The following IQSEC1 variants were observed in gnomAD, a reference collection of about 807,000 sequenced individuals.
IQSEC1 encodes the protein IQ motif and Sec7 domain ArfGEF 1, also known as IQ motif and SEC7 domain-containing protein 1.
IQSEC1 carries 31 observed loss-of-function variants against 91.0 expected under a neutral mutation model. The ratio of observed to expected loss-of-function variants is 0.34; its 90% confidence interval spans 0.26 to 0.46. The LOEUF is 0.46. Ranked by LOEUF, IQSEC1 falls within the 20% of genes least tolerant of loss-of-function variation. The pLI, the probability that IQSEC1 is intolerant of heterozygous loss-of-function variation, is 1.00. For synonymous variants in IQSEC1, 699 were observed against 662.6 expected (o/e 1.05, Z -0.84); for missense variants, 1,388 against 1,575.6 (o/e 0.88, Z 2.02).
At chr3:13,130,359 A>AGAAAG (rs1173627480) in intron 2 of IQSEC1, among the ~76,000 whole-genome samples, 5 of 148,476 alleles carry the variant, frequency 3.4e-5, no homozygotes, top group African/African-American at 1.0e-4. Flanking sequence ...AAAAAAAAAA[A>AGAAAG]AAAGAAAGAA....
intron 1 of IQSEC1, among the ~76,000 whole-genome samples, chr3:13,194,296 C>T (rs988400505): frequency 3.3e-5 from 5 of 152,090 alleles, no homozygotes; most frequent in African/African-American, 1.2e-4. Flanking sequence ...GTGCTCACTC[C>T]GCAGCTGCCT....
chr3:13,187,039 C>T (rs1423928403), intron 1 of IQSEC1, among the ~76,000 whole-genome samples: 1 of 151,904 alleles, frequency 6.6e-6, no homozygotes, highest in African/African-American at 2.4e-5. Context: ...CCCTTCCTTC[C>T]TCTCCTTCCT....
At chr3:12,902,439 C>T (rs1260449080) in intron 13 of IQSEC1, among the ~76,000 whole-genome samples, 1 of 151,886 alleles carries the variant, frequency 6.6e-6, no homozygotes, top group Non-Finnish European at 1.5e-5. Flanking sequence ...GGATGGTCAA[C>T]CATGCTCAGG....
rs11915102 is a variant in IQSEC1 at position 13,148,367 on chromosome 3, G to A, written c.302+15737C>T. On this transcript the variant is annotated intron_variant, in intron 2 of 15. Transcript: ENST00000648114. ...CCTCTCCCCAAGCCCGGCACAGCCC[G>A]CCTCTGAGCCACCATGCATGCTGTT... Among the ~76,000 whole-genome samples the A allele has an allele frequency of 4.5e-3, 688 of 152,198 alleles. 7 individuals carry two copies. The highest frequency in any genetic ancestry group is 0.016 in the African/African-American group (645 of 41,520).
At chr3:13,209,947 A>G (rs1394487785) in intron 1 of IQSEC1, among the ~76,000 whole-genome samples, 2 of 151,740 alleles carry the variant, frequency 1.3e-5, no homozygotes, top group African/African-American at 4.8e-5. Flanking sequence ...CAGTGGGGGC[A>G]TTACCCACAC....
chr3:13,163,938 G>C (rs1425234713), intron 2 of IQSEC1, among the ~76,000 whole-genome samples: 1 of 152,228 alleles, frequency 6.6e-6, no homozygotes, highest in African/African-American at 2.4e-5. Context: ...GTGCTCTGCA[G>C]ATCATGCCCA....
chr3:13,035,839 C>T (rs1314453099), intron 1 of IQSEC1, among the ~76,000 whole-genome samples: 3 of 152,190 alleles, frequency 2.0e-5, no homozygotes, highest in Non-Finnish European at 4.4e-5. Context: ...AAAAGGTGGC[C>T]ATTTCTACTT....
chr3:13,226,346 GATA>G (rs1158202817), intron 1 of IQSEC1, among the ~76,000 whole-genome samples: 1 of 152,128 alleles, frequency 6.6e-6, no homozygotes, highest in Non-Finnish European at 1.5e-5. Flanking sequence ...ATTTTTAAAT[GATA>G]ATAATAATAT....
intron 1 of IQSEC1, among the ~76,000 whole-genome samples, chr3:13,179,833 G>A (rs1347323878): frequency 1.3e-5 from 2 of 152,224 alleles, no homozygotes; most frequent in South Asian, 2.1e-4. Flanking sequence ...TGGGCTCGGC[G>A]GGCCCTGCAC....
intron 1 of IQSEC1, among the ~76,000 whole-genome samples, chr3:13,168,850 GC>G (rs1693549589): frequency 6.6e-6 from 1 of 151,952 alleles, no homozygotes; most frequent in Non-Finnish European, 1.5e-5. Flanking sequence ...CCCTCCCCTG[GC>G]CCCCCAGATT....
rs546538426 is a variant in IQSEC1, at chr3:13,030,958, A to G, written c.23+42034T>C. On this transcript the variant is annotated intron_variant, in intron 1 of 13. Coordinates refer to ENST00000613206, the MANE Select transcript of IQSEC1 (RefSeq NM_001134382.3). Reference sequence around the variant, plus strand: ...TAAGAAGCTAAAAGCAATGCACAAAATAATACGTTGGTTGGATTTCAGCCC... The same window carrying G: ...TAAGAAGCTAAAAGCAATGCACAAAGTAATACGTTGGTTGGATTTCAGCCC... Among the ~76,000 whole-genome samples the G allele has an allele frequency of 1.0e-4, 16 of 152,384 alleles. No individual in the cohort carries two copies. In the South Asian group the frequency reaches 3.3e-3, roughly 32 times the overall value.
At chr3:13,272,228 A>G (rs1695600901) in intron 1 of IQSEC1, among the ~76,000 whole-genome samples, 1 of 152,082 alleles carries the variant, frequency 6.6e-6, no homozygotes, top group Non-Finnish European at 1.5e-5. Flanking sequence ...CAGTTCCCCC[A>G]TATATACCAT....
intron 1 of IQSEC1, among the ~76,000 whole-genome samples, chr3:13,064,141 C>T (rs201337178): frequency 2.0e-5 from 3 of 152,264 alleles, no homozygotes; most frequent in Non-Finnish European, 4.4e-5. Flanking sequence ...GGTAGCTTTC[C>T]GATTTTGCTT....
intron 1 of IQSEC1, among the ~76,000 whole-genome samples, chr3:12,972,071 C>G (rs1700928838): frequency 6.8e-6 from 1 of 147,834 alleles, no homozygotes; most frequent in South Asian, 2.2e-4. Context: ...ATGGATTGGA[C>G]TGGAACCAAT....
At chr3:13,205,441 G>A (rs1210372295) in intron 1 of IQSEC1, among the ~76,000 whole-genome samples, 10 of 151,986 alleles carry the variant, frequency 6.6e-5, no homozygotes. Context: ...CATCTGAGAT[G>A]CTTCCGGACC....
At chr3:13,230,786 T>A (rs1694827704) in intron 1 of IQSEC1, among the ~76,000 whole-genome samples, 1 of 152,254 alleles carries the variant, frequency 6.6e-6, no homozygotes, top group African/African-American at 2.4e-5. Flanking sequence ...TAATTTTTCA[T>A]TCAGAATAGA....
intron 1 of IQSEC1, among the ~76,000 whole-genome samples, chr3:13,247,329 T>C (rs912854923): frequency 7.9e-5 from 12 of 152,122 alleles, no homozygotes; most frequent in Admixed American, 6.5e-4. Flanking sequence ...AACATGACAA[T>C]CTGAAAGTCT....
intron 1 of IQSEC1, among the ~76,000 whole-genome samples, chr3:13,204,543 C>T (rs942102152): frequency 6.6e-6 from 1 of 152,218 alleles, no homozygotes; most frequent in Non-Finnish European, 1.5e-5. Context: ...GCTCACGCTG[C>T]GCCTCAGCTG....
intron 1 of IQSEC1, among the ~76,000 whole-genome samples, chr3:13,171,092 C>A (rs1339100504): frequency 1.3e-5 from 2 of 150,208 alleles, no homozygotes; most frequent in African/African-American, 2.5e-5. Context: ...CAGCAAGACT[C>A]CATCTCAAAA....
Sources: gnomAD v4.1 joint callset for allele counts (sites outside exome capture counted in the v4.1 genomes callset) on GRCh38, gnomAD v4.1.1 for gene constraint, MANE v1.5 for transcripts, NCBI Gene and HGNC (gene_info 2026-07-23, HGNC 2026-07-21) for gene names.